Variants in FOXP2 observed in about 807,000 individuals in gnomAD.
FOXP2 encodes forkhead box protein P2.
FOXP2 carries 12 observed loss-of-function variants against 115.8 expected under a neutral mutation model. The observed-to-expected ratio is 0.10, with a 90% confidence interval of 0.07 to 0.17. The LOEUF (loss-of-function observed/expected upper bound fraction) is 0.17. Ranked by LOEUF, FOXP2 falls within the 10% of genes least tolerant of loss-of-function variation. The pLI, the probability that FOXP2 is intolerant of heterozygous loss-of-function variation, is 1.00. For synonymous variants in FOXP2, 328 were observed against 297.7 expected (o/e 1.10, Z -1.05); for missense variants, 629 against 843.5 (o/e 0.75, Z 3.15).
chr7:114,279,032 C>T (rs184837189), intron 1 of FOXP2, among the ~76,000 whole-genome samples: 6 of 152,074 alleles, frequency 3.9e-5, no homozygotes, highest in East Asian at 1.9e-4. Context: ...GGAGGTACCT[C>T]GGTGTTGGTA....
chr7:114,186,734 A>C (rs1324587102), intron 1 of FOXP2, among the ~76,000 whole-genome samples: 3 of 152,078 alleles, frequency 2.0e-5, no homozygotes, highest in African/African-American at 7.2e-5. Context: ...GCATCTTTTA[A>C]TATCTAGGTG....
chr7:114,676,098 T>TTTA (rs1554443223), intron 16 of FOXP2, among the ~76,000 whole-genome samples: 1 of 144,274 alleles, frequency 6.9e-6, no homozygotes, highest in Non-Finnish European at 1.5e-5. Flanking sequence ...TTTTTTTTTT[T>TTTA]TTGTATTTTT....
chr7:114,560,194 A>G (rs1562999374), intron 3 of FOXP2, among the ~76,000 whole-genome samples: 1 of 152,206 alleles, frequency 6.6e-6, no homozygotes, highest in African/African-American at 2.4e-5. Flanking sequence ...CTGTGTTGCT[A>G]TCTTGTATTT....
At chr7:114,166,777 AC>A (rs1584518574) in intron 1 of FOXP2, among the ~76,000 whole-genome samples, 2 of 152,268 alleles carry the variant, frequency 1.3e-5, no homozygotes, top group East Asian at 3.9e-4. Context: ...CTAAACATAT[AC>A]CTAACTAAAG....
chr7:114,194,340 A>G (rs1462038680), intron 1 of FOXP2, among the ~76,000 whole-genome samples: 4 of 151,674 alleles, frequency 2.6e-5, no homozygotes, highest in Non-Finnish European at 5.9e-5. Flanking sequence ...TCTTCTGTTT[A>G]ATTTTTAAAT....
intron 2 of FOXP2, among the ~76,000 whole-genome samples, chr7:114,378,843 A>G (rs889892079): frequency 1.8e-4 from 27 of 149,954 alleles, no homozygotes; most frequent in Non-Finnish European, 3.6e-4. Flanking sequence ...TTTTTTTCCA[A>G]ATTGATGTCT....
intron 2 of FOXP2, among the ~76,000 whole-genome samples, chr7:114,446,098 T>A (rs775292172): frequency 6.6e-5 from 10 of 152,112 alleles, no homozygotes; most frequent in Non-Finnish European, 1.5e-4. Flanking sequence ...TTTAGAGCAC[T>A]TTTAACATCA....
intron 9 of FOXP2, 66 bp from the exon 10 acceptor site, chr7:114,653,860 T>C: frequency 1.4e-6 from 2 of 1,446,176 alleles, no homozygotes; most frequent in South Asian, 1.1e-5. Context: ...ATAAGATGTA[T>C]CACTGCAATA....
chr7:114,607,838 G>T (rs1463133864), intron 3 of FOXP2, among the ~76,000 whole-genome samples: 1 of 152,010 alleles, frequency 6.6e-6, no homozygotes, highest in African/African-American at 2.4e-5. Flanking sequence ...ATGAATAAAA[G>T]AAAATAAAGA....
At chr7:114,190,259 A>G (rs1202801415) in intron 1 of FOXP2, among the ~76,000 whole-genome samples, 2 of 152,156 alleles carry the variant, frequency 1.3e-5, no homozygotes, top group African/African-American at 4.8e-5. Context: ...AGAGAGTAGC[A>G]TTTTAATATG....
chr7:114,294,207 T>G (rs1382045526), intron 2 of FOXP2, among the ~76,000 whole-genome samples: 1 of 152,296 alleles, frequency 6.6e-6, no homozygotes, highest in African/African-American at 2.4e-5. Context: ...ATCATATCAA[T>G]GTTGGAGAGT....
intron 2 of FOXP2, among the ~76,000 whole-genome samples, chr7:114,504,599 T>C (rs1405502059): frequency 6.6e-6 from 1 of 151,638 alleles, no homozygotes; most frequent in African/African-American, 2.4e-5. Flanking sequence ...GTTTACCTAT[T>C]AAAATATTTG....
At chr7:114,429,234 CTG>C (rs1296327803) in intron 2 of FOXP2, among the ~76,000 whole-genome samples, 1 of 151,398 alleles carries the variant, frequency 6.6e-6, no homozygotes, top group Admixed American at 6.6e-5. Context: ...GATTGATAAA[CTG>C]TAACTAGCAT....
At chr7:114,464,484 G>T (rs1022139908) in intron 2 of FOXP2, among the ~76,000 whole-genome samples, 1 of 152,204 alleles carries the variant, frequency 6.6e-6, no homozygotes, top group African/African-American at 2.4e-5. Context: ...AATTGAAAAG[G>T]TTTCCCATGA....
chr7:114,171,485 A>G (rs1450879256), intron 1 of FOXP2, among the ~76,000 whole-genome samples: 1 of 152,146 alleles, frequency 6.6e-6, no homozygotes, highest in South Asian at 2.1e-4. Flanking sequence ...AGGCAGGAGG[A>G]TCACTTGAGC....
At chr7:114,093,318 T>G (rs1420952764) in intron 1 of FOXP2, among the ~76,000 whole-genome samples, 1 of 152,210 alleles carries the variant, frequency 6.6e-6, no homozygotes, top group Non-Finnish European at 1.5e-5. Flanking sequence ...CTTCTCTAAC[T>G]GTCCAATATA....
Position 114,599,073 on chromosome 7 carries a change from C to T in FOXP2, c.259-29467C>T, listed in dbSNP as rs1005488147. Among the ~76,000 whole-genome samples the T allele has an allele frequency of 3.3e-5, 5 of 152,046 alleles. No homozygotes were observed. In the South Asian group the frequency reaches 6.2e-4, roughly 19 times the overall value. On this transcript the variant is annotated intron_variant, in intron 3 of 16. Coordinates refer to ENST00000350908, the MANE Select transcript of FOXP2 (RefSeq NM_014491.4). ...TCCAATCCCTATACTTTTTTATCCTCGACTTTATTGTACTGCCTGGGACTT... is the reference window on the plus strand; with the variant it reads ...TCCAATCCCTATACTTTTTTATCCTTGACTTTATTGTACTGCCTGGGACTT...
intron 1 of FOXP2, among the ~76,000 whole-genome samples, chr7:114,241,746 A>ATTTTTTTTT: frequency 6.7e-6 from 1 of 148,898 alleles, no homozygotes; most frequent in Non-Finnish European, 1.5e-5. Context: ...GAAGCCACGT[A>ATTTTTTTTT]TTTTTTTTTT....
intron 1 of FOXP2, among the ~76,000 whole-genome samples, chr7:114,096,999 T>C (rs1031543019): frequency 1.2e-4 from 18 of 149,064 alleles, no homozygotes; most frequent in Non-Finnish European, 1.0e-4. Context: ...AATAATACTT[T>C]GATTACTTTA....
Sources: gnomAD v4.1 joint callset for allele counts (sites outside exome capture counted in the v4.1 genomes callset) on GRCh38, gnomAD v4.1.1 for gene constraint, MANE v1.5 for transcripts, NCBI Gene and HGNC (gene_info 2026-07-23, HGNC 2026-07-21) for gene names.